Variants in LHFPL2 observed in about 807,000 individuals in gnomAD.
LHFPL2 encodes LHFPL tetraspan subfamily member 2, also known as LHFPL tetraspan subfamily member 2 protein.
Under a neutral mutation model 17.5 loss-of-function variants are expected in LHFPL2, and 7 were observed. The observed-to-expected ratio is 0.40, with a 90% CI of 0.23 to 0.75. The LOEUF is 0.75. Among genes scored for constraint, LHFPL2 ranks in the 30% least tolerant of loss-of-function variants. The pLI, the probability that LHFPL2 is intolerant of heterozygous loss-of-function variation, is 0.37. For synonymous variants in LHFPL2, 134 were observed against 116.2 expected (o/e 1.15, Z -0.99); for missense variants, 241 against 294.8 (o/e 0.82, Z 1.34).
intron 3 of LHFPL2, among the ~76,000 whole-genome samples, chr5:78,564,012 A>C (rs1398136847): frequency 6.6e-6 from 1 of 152,214 alleles, no homozygotes; most frequent in African/African-American, 2.4e-5. Context: ...ATGAGACGGT[A>C]TCTGTGAAAA....
At chr5:78,550,465 T>C (rs1233186365) in intron 3 of LHFPL2, among the ~76,000 whole-genome samples, 2 of 152,142 alleles carry the variant, frequency 1.3e-5, no homozygotes, top group Non-Finnish European at 2.9e-5. Context: ...TCCCTATGCA[T>C]GGAGAGGGAG....
At position 78,517,556 on chromosome 5, in the gene LHFPL2, T is replaced by C. The variant is rs1223952290; in HGVS notation, c.-185-7158A>G. 2.6e-5 allele frequency among the ~76,000 whole-genome samples: 4 copies of C among 152,184 alleles called. 1 individual carries two copies. Among genetic ancestry groups the C allele is most frequent in the Non-Finnish European group, 5.9e-5 (4 of 68,040 alleles). On this transcript the variant is annotated intron_variant, in intron 3 of 4. Transcript: ENST00000380345. ...CATGGCTGGGGAGACCTCACAATCATGGAAGAAGGTGAATGAGGAGCAAAG... is the reference window on the plus strand; with the variant it reads ...CATGGCTGGGGAGACCTCACAATCACGGAAGAAGGTGAATGAGGAGCAAAG...
intron 2 of LHFPL2, among the ~76,000 whole-genome samples, chr5:78,583,806 T>C (rs1442140103): frequency 6.7e-6 from 1 of 149,738 alleles, no homozygotes; most frequent in African/African-American, 2.4e-5. Context: ...GTTCTCTGTA[T>C]TTCCTGAATC....
In LHFPL2 at chr5:78,510,216, T is replaced by G; in HGVS notation, c.-3A>C. The G allele has an allele frequency of 6.3e-7, 1 of 1,577,326 alleles. No individual in the cohort carries two copies. Among genetic ancestry groups the G allele is most frequent in the South Asian group, 1.1e-5 (1 of 88,242 alleles). On this transcript the variant is annotated 5_prime_UTR_variant, in exon 4 of 5. Transcript: ENST00000380345. ...CAGGTGACAATGACATGACACATAT[T>G]GATGTTCCGGGCGAAGAAAGAGTCA...
At position 78,488,880 on chromosome 5, in the gene LHFPL2, G is replaced by T. The variant is rs761807884; in HGVS notation, c.*17C>A. 17 of 1,611,624 alleles carry T rather than the reference G, an allele frequency of 1.1e-5. No homozygotes were observed. The highest frequency in any genetic ancestry group is 1.4e-5 in the Non-Finnish European group (16 of 1,178,542). ...ACAAGATTACTCAAGGGAGAAAATG[G>T]CATTGTCTCTTCCAAACTAAAGGAG... is the stretch of plus-strand genomic sequence containing the variant. On this transcript the variant is annotated 3_prime_UTR_variant, in exon 5 of 5. Transcript: ENST00000380345.
intron 2 of LHFPL2, among the ~76,000 whole-genome samples, chr5:78,629,005 T>C (rs1222777362): frequency 6.6e-6 from 1 of 152,146 alleles, no homozygotes; most frequent in Non-Finnish European, 1.5e-5. Context: ...TTGCTCAATA[T>C]AAGAATGATT....
intron 2 of LHFPL2, among the ~76,000 whole-genome samples, chr5:78,581,996 A>G (rs979297368): frequency 6.6e-6 from 1 of 152,178 alleles, no homozygotes; most frequent in African/African-American, 2.4e-5. Flanking sequence ...CAGAGATTCA[A>G]CTTCTTCATG....
At chr5:78,597,505 T>G (rs531723262) in intron 2 of LHFPL2, among the ~76,000 whole-genome samples, 1 of 152,194 alleles carries the variant, frequency 6.6e-6, no homozygotes, top group Non-Finnish European at 1.5e-5. Context: ...AGTAGAATGA[T>G]TCAACATGAC....
chr5:78,572,110 TACCTAG>T (rs2112427319), intron 2 of LHFPL2, among the ~76,000 whole-genome samples: 1 of 152,260 alleles, frequency 6.6e-6, no homozygotes, highest in Admixed American at 6.5e-5. Flanking sequence ...AGGTTTGAAG[TACCTAG>T]CTGGGCAACC....
intron 2 of LHFPL2, among the ~76,000 whole-genome samples, chr5:78,610,202 G>C (rs771161243): frequency 6.6e-6 from 1 of 152,172 alleles, no homozygotes; most frequent in Non-Finnish European, 1.5e-5. Context: ...TGTAGGAAAA[G>C]AGCCCTTGGG....
intron 3 of LHFPL2, among the ~76,000 whole-genome samples, chr5:78,513,395 C>A (rs1755194532): frequency 6.6e-6 from 1 of 152,176 alleles, no homozygotes; most frequent in African/African-American, 2.4e-5. Context: ...CAAATTCTCA[C>A]ACCCATACAA....
rs982043251 is a variant in LHFPL2 at position 78,487,458 on chromosome 5, T to C, written c.*1439A>G. 1.3e-5 allele frequency: 2 copies of C among 152,186 alleles called. No homozygotes were observed. The highest frequency in any genetic ancestry group is 2.9e-5 in the Non-Finnish European group (2 of 68,030). 9.4% of individuals were successfully genotyped at this position (152,186 alleles called of 1,614,324 possible). ...GATTAATGAACCCAAATACCTACAC[T>C]TTTTCTCCTTCCAGAAATCTGGCAG... On this transcript the variant is annotated 3_prime_UTR_variant, in exon 5 of 5. Transcript: ENST00000380345.
intron 4 of LHFPL2, among the ~76,000 whole-genome samples, chr5:78,504,752 C>T (rs577918959): frequency 6.6e-6 from 1 of 152,168 alleles, no homozygotes; most frequent in Non-Finnish European, 1.5e-5. Flanking sequence ...CTGCATACAC[C>T]AGGCCCTTCA....
Position 78,603,574 on chromosome 5 carries a change from G to A in LHFPL2, c.-245+28690C>T, listed in dbSNP as rs557896746. On this transcript the variant is annotated intron_variant, in intron 2 of 4. Transcript: ENST00000380345. ...AATGGACCCCAAGAGAGGGGGAAAA[G>A]CAATCTACTTAAAGATGTTTGCTGG... Among the ~76,000 whole-genome samples the A allele has an allele frequency of 7.4e-4, 112 of 152,302 alleles. 1 individual carries two copies. The South Asian group carries it at 0.013, about 18-fold the overall frequency.
At chr5:78,552,228 G>C (rs1756464563) in intron 3 of LHFPL2, among the ~76,000 whole-genome samples, 3 of 151,474 alleles carry the variant, frequency 2.0e-5, no homozygotes, top group Admixed American at 6.6e-5. Context: ...CCGCCTCCCA[G>C]GTTCATGCCA....
At chr5:78,643,250 T>C (rs1010986689) in intron 1 of LHFPL2, among the ~76,000 whole-genome samples, 2 of 152,196 alleles carry the variant, frequency 1.3e-5, no homozygotes, top group African/African-American at 4.8e-5. Context: ...TCATGTATTA[T>C]TGCAATTTTT....
intron 2 of LHFPL2, among the ~76,000 whole-genome samples, chr5:78,586,621 A>G (rs190945927): frequency 1.6e-3 from 240 of 152,234 alleles, no homozygotes; most frequent in African/African-American, 5.6e-3. Context: ...GTGTCCTAAC[A>G]GTGATTCTAC....
intron 2 of LHFPL2, among the ~76,000 whole-genome samples, chr5:78,631,502 A>G (rs1169084754): frequency 1.3e-5 from 2 of 152,268 alleles, no homozygotes; most frequent in South Asian, 2.1e-4. Flanking sequence ...GAGGAAAAAG[A>G]TGTGCACAAA....
intron 3 of LHFPL2, among the ~76,000 whole-genome samples, chr5:78,537,897 G>A (rs1050174926): frequency 1.3e-5 from 2 of 152,170 alleles, no homozygotes; most frequent in African/African-American, 4.8e-5. Context: ...CTGACTTTTA[G>A]GGGAAACCTG....
Sources: allele counts gnomAD v4.1 joint callset (sites outside exome capture counted in the v4.1 genomes callset), GRCh38; gene constraint gnomAD v4.1.1; transcripts MANE v1.5; gene names NCBI Gene and HGNC (gene_info 2026-07-23, HGNC 2026-07-21).